THSD4: variants seen among roughly 807,000 people sequenced by gnomAD.
The protein encoded by THSD4 is thrombospondin type-1 domain-containing protein 4.
Under a neutral mutation model 119.0 loss-of-function variants are expected in THSD4, and 69 were observed. The ratio of observed to expected loss-of-function variants is 0.58; its 90% CI spans 0.48 to 0.71. The LOEUF (loss-of-function observed/expected upper bound fraction) is 0.71. Among genes scored for constraint, THSD4 ranks in the 30% least tolerant of loss-of-function variants. THSD4 has a pLI of 0.00. For missense variants in THSD4, 1,393 were observed against 1,391.1 expected, an observed-to-expected ratio of 1.00 and a Z score of -0.02; for synonymous variants, 524 against 540.4, an observed-to-expected ratio of 0.97 and a Z score of 0.42.
At chr15:71,198,170 A>G (rs974150901) in intron 3 of THSD4, among the ~76,000 whole-genome samples, 1 of 152,234 alleles carries the variant, frequency 6.6e-6, no homozygotes, top group Non-Finnish European at 1.5e-5. Context: ...TTGAGGCTGG[A>G]GGATTGCGTG....
At chr15:71,685,226 T>G (rs868504911) in intron 8 of THSD4, among the ~76,000 whole-genome samples, 4 of 152,032 alleles carry the variant, frequency 2.6e-5, no homozygotes, top group African/African-American at 7.2e-5. Context: ...ATAAGAGTAT[T>G]TAAATTGCAT....
chr15:71,358,799 C>T (rs2045856051), intron 6 of THSD4, among the ~76,000 whole-genome samples: 1 of 152,158 alleles, frequency 6.6e-6, no homozygotes, highest in Admixed American at 6.5e-5. Context: ...GACTTAGCTT[C>T]TCTGAACCTT....
At chr15:71,647,415 A>T (rs2050991754) in intron 7 of THSD4, among the ~76,000 whole-genome samples, 1 of 152,212 alleles carries the variant, frequency 6.6e-6, no homozygotes, top group South Asian at 2.1e-4. Flanking sequence ...AGCATGAAGG[A>T]GCCTTCATGT....
At chr15:71,580,376 A>G (rs1051284130) in intron 7 of THSD4, among the ~76,000 whole-genome samples, 2 of 152,198 alleles carry the variant, frequency 1.3e-5, no homozygotes, top group Non-Finnish European at 2.9e-5. Flanking sequence ...TGATAATTGT[A>G]TATATTTAAG....
At chr15:71,588,292 C>T (rs1257051306) in intron 7 of THSD4, among the ~76,000 whole-genome samples, 5 of 111,040 alleles carry the variant, frequency 4.5e-5, no homozygotes, top group East Asian at 5.0e-4. Context: ...GGCGACAGAG[C>T]GAGACTCCGT....
At chr15:71,281,384 C>T (rs571158678) in intron 6 of THSD4, among the ~76,000 whole-genome samples, 1 of 152,306 alleles carries the variant, frequency 6.6e-6, no homozygotes, top group East Asian at 1.9e-4. Context: ...CACAGGAAAA[C>T]GCATATGGCT....
chr15:71,561,413 C>T (rs768717970), intron 7 of THSD4, among the ~76,000 whole-genome samples: 6 of 152,174 alleles, frequency 3.9e-5, no homozygotes, highest in Non-Finnish European at 8.8e-5. Context: ...AAATTGATCT[C>T]TCAAGCCTAA....
chr15:71,202,266 C>T (rs977726324), intron 3 of THSD4, among the ~76,000 whole-genome samples: 1 of 152,140 alleles, frequency 6.6e-6, no homozygotes, highest in African/African-American at 2.4e-5. Flanking sequence ...TAGCTGAGGC[C>T]TGTTTACCTT....
upstream of THSD4, among the ~76,000 whole-genome samples, chr15:71,112,589 C>T (rs919672397): frequency 6.6e-6 from 1 of 152,174 alleles, no homozygotes; most frequent in Non-Finnish European, 1.5e-5. Context: ...AGGGGTGACC[C>T]ACCCTCCAAG....
chr15:71,475,934 A>G (rs1047645213), intron 7 of THSD4, among the ~76,000 whole-genome samples: 1 of 152,168 alleles, frequency 6.6e-6, no homozygotes, highest in Admixed American at 6.5e-5. Context: ...TCTATTAAAA[A>G]AAAAATTCTT....
chr15:71,691,639 G>A (rs1483304888), intron 8 of THSD4, among the ~76,000 whole-genome samples: 1 of 152,214 alleles, frequency 6.6e-6, no homozygotes, highest in Non-Finnish European at 1.5e-5. Context: ...TTGATTACCT[G>A]GCATGCAGTC....
At chr15:71,098,294 C>T (rs982293307) in intron 1 of THSD4, among the ~76,000 whole-genome samples, 10 of 148,798 alleles carry the variant, frequency 6.7e-5, no homozygotes, top group African/African-American at 2.5e-4. Flanking sequence ...TTCCTGGGCT[C>T]AGGTGATCTT....
At chr15:71,630,846 G>C (rs1019873785) in intron 7 of THSD4, among the ~76,000 whole-genome samples, 5 of 152,184 alleles carry the variant, frequency 3.3e-5, no homozygotes, top group African/African-American at 1.2e-4. Flanking sequence ...CAGTGCACAG[G>C]ATGGCTCCTC....
chr15:71,774,151 AAAT>A (rs2053871360), intron 17 of THSD4, among the ~76,000 whole-genome samples: 3 of 152,100 alleles, frequency 2.0e-5, no homozygotes, highest in Admixed American at 2.0e-4. Context: ...TCTCTACAAA[AAAT>A]ATAAAAATTA....
intron 6 of THSD4, among the ~76,000 whole-genome samples, chr15:71,276,432 T>A (rs2044591128): frequency 6.6e-6 from 1 of 152,236 alleles, no homozygotes; most frequent in African/African-American, 2.4e-5. Flanking sequence ...GTGTGGTTAA[T>A]GAGTCATAAC....
chr15:71,499,290 G>A (rs796668658), intron 7 of THSD4, among the ~76,000 whole-genome samples: 8 of 152,184 alleles, frequency 5.3e-5, no homozygotes, highest in Non-Finnish European at 1.2e-4. Context: ...GGCCAAGGAG[G>A]AAGCCTCTCT....
chr15:71,293,699 G>T (rs1451406137), intron 6 of THSD4, among the ~76,000 whole-genome samples: 1 of 152,122 alleles, frequency 6.6e-6, no homozygotes, highest in Non-Finnish European at 1.5e-5. Context: ...CTCCAAGTTT[G>T]CTGAAATCTT....
chr15:71,408,469 G>A (rs2046637542), intron 6 of THSD4, among the ~76,000 whole-genome samples: 3 of 152,114 alleles, frequency 2.0e-5, no homozygotes, highest in Non-Finnish European at 4.4e-5. Context: ...CCGGGCTCAA[G>A]CAATCCTCCT....
intron 8 of THSD4, among the ~76,000 whole-genome samples, chr15:71,674,760 C>T (rs2051605499): frequency 6.6e-6 from 1 of 152,072 alleles, no homozygotes; most frequent in African/African-American, 2.4e-5. Flanking sequence ...ACAGTGAGGG[C>T]AGAGAAGGGG....
Sources: allele counts gnomAD v4.1 joint callset (sites outside exome capture counted in the v4.1 genomes callset), GRCh38; gene constraint gnomAD v4.1.1; transcripts MANE v1.5; gene names NCBI Gene and HGNC (gene_info 2026-07-23, HGNC 2026-07-21).